The following NELL1 variants were observed in gnomAD, a reference collection of about 807,000 sequenced individuals.
NELL1 encodes neural EGFL like 1, also known as protein kinase C-binding protein NELL1.
NELL1 carries 76 observed loss-of-function variants against 107.4 expected under a neutral mutation model. The observed-to-expected ratio is 0.71, with a 90% CI of 0.59 to 0.86. The LOEUF is 0.86. Among genes scored for constraint, NELL1 ranks in the 40% least tolerant of loss-of-function variants. NELL1 has a pLI of 0.00. For synonymous variants in NELL1, 353 were observed against 341.2 expected (o/e 1.03, Z -0.38); for missense variants, 1,024 against 1,005.5 (o/e 1.02, Z -0.25).
intron 15 of NELL1, among the ~76,000 whole-genome samples, chr11:21,486,665 A>G (rs1208419117): frequency 6.6e-6 from 1 of 152,322 alleles, no homozygotes; most frequent in Admixed American, 6.5e-5. Context: ...AATTCAAAAT[A>G]CTGATTTTAA....
intron 3 of NELL1, among the ~76,000 whole-genome samples, chr11:20,840,288 G>T (rs1848597710): frequency 1.3e-5 from 2 of 151,984 alleles, no homozygotes; most frequent in South Asian, 4.1e-4. Context: ...ATTTTTAAAG[G>T]TATAATAAAA....
chr11:21,564,018 CTGATGAGCCAGGAGATTA>C (rs940666261), intron 17 of NELL1, among the ~76,000 whole-genome samples: 72 of 152,054 alleles, frequency 4.7e-4, no homozygotes, highest in Middle Eastern at 3.4e-3. Flanking sequence ...GGTATAGTCA[CTGATGAGCCAGGAGATTA>C]TGATGAGCCA....
chr11:21,533,873 T>C (rs2133970290), intron 15 of NELL1, among the ~76,000 whole-genome samples: 1 of 152,332 alleles, frequency 6.6e-6, no homozygotes, highest in Non-Finnish European at 1.5e-5. Flanking sequence ...ATTATCAATC[T>C]TATCTCAAAG....
intron 13 of NELL1, among the ~76,000 whole-genome samples, chr11:21,114,052 G>A (rs1855172552): frequency 6.6e-6 from 1 of 151,892 alleles, no homozygotes; most frequent in African/African-American, 2.4e-5. Context: ...ATCATGATGA[G>A]GTGTTTTTGT....
intron 2 of NELL1, among the ~76,000 whole-genome samples, chr11:20,750,788 A>G (rs916123401): frequency 2.6e-5 from 4 of 152,166 alleles, no homozygotes; most frequent in African/African-American, 7.2e-5. Context: ...GGGTTTCACA[A>G]TGTTGCTCAG....
chr11:21,037,368 A>G (rs1415744559), intron 12 of NELL1, among the ~76,000 whole-genome samples: 2 of 152,098 alleles, frequency 1.3e-5, no homozygotes, highest in Admixed American at 6.6e-5. Flanking sequence ...GGAAATGGCT[A>G]TCTCACTCTA....
chr11:21,545,408 A>G (rs1258178204), intron 16 of NELL1, among the ~76,000 whole-genome samples: 2 of 151,948 alleles, frequency 1.3e-5, no homozygotes, highest in African/African-American at 4.8e-5. Flanking sequence ...GTGCTGAGAA[A>G]GGAAGACATG....
At chr11:21,489,982 A>G (rs1167625674) in intron 15 of NELL1, among the ~76,000 whole-genome samples, 1 of 152,110 alleles carries the variant, frequency 6.6e-6, no homozygotes. Context: ...AAAAATATCC[A>G]CATCAGAAGA....
At position 21,169,985 on chromosome 11, in the gene NELL1, C is replaced by T. The variant is rs1028165148; in HGVS notation, c.1426+56271C>T. ...TGTAGGGGACAGGGACAGTGCAATGCGGGCTCCTCAGGCTTTTGAGCACTC... is the reference window on the plus strand; with the variant it reads ...TGTAGGGGACAGGGACAGTGCAATGTGGGCTCCTCAGGCTTTTGAGCACTC... On this transcript the variant is annotated intron_variant, in intron 13 of 19. Coordinates refer to ENST00000357134, the MANE Select transcript of NELL1 (RefSeq NM_006157.5). The T allele has an allele frequency of 2.0e-4, 264 of 1,339,220 alleles. 2 individuals carry two copies. The Admixed American group carries it at 4.3e-3, about 22-fold the overall frequency. The allele number at this position is 1,339,220 out of a possible 1,614,324, so 83.0% of individuals were successfully genotyped here.
At chr11:21,484,050 T>A (rs1854565377) in intron 15 of NELL1, among the ~76,000 whole-genome samples, 1 of 138,658 alleles carries the variant, frequency 7.2e-6, no homozygotes, top group African/African-American at 2.7e-5. Context: ...GTGACCTCAT[T>A]ATATAAAATA....
chr11:21,524,028 C>G (rs1327949272), intron 15 of NELL1, among the ~76,000 whole-genome samples: 6 of 152,010 alleles, frequency 3.9e-5, no homozygotes, highest in Admixed American at 3.9e-4. Flanking sequence ...GTTCACTATT[C>G]AACTCAGTAT....
chr11:21,489,557 A>G (rs1854745162), intron 15 of NELL1, among the ~76,000 whole-genome samples: 1 of 152,054 alleles, frequency 6.6e-6, no homozygotes, highest in South Asian at 2.1e-4. Flanking sequence ...GAATAATACT[A>G]GCAAGCTGAA....
At chr11:20,684,871 A>G (rs1040997351) in intron 2 of NELL1, among the ~76,000 whole-genome samples, 1 of 152,072 alleles carries the variant, frequency 6.6e-6, no homozygotes, top group Non-Finnish European at 1.5e-5. Context: ...CTGATAAGTC[A>G]TGGGATTTTC....
chr11:20,690,765 G>T (rs926117613), intron 2 of NELL1, among the ~76,000 whole-genome samples: 19 of 151,754 alleles, frequency 1.3e-4, no homozygotes, highest in Non-Finnish European at 2.1e-4. Context: ...TGGCGATGTG[G>T]GCTCTTTTTT....
chr11:20,961,558 A>G (rs1416969603), intron 12 of NELL1, among the ~76,000 whole-genome samples: 4 of 152,212 alleles, frequency 2.6e-5, no homozygotes, highest in Non-Finnish European at 5.9e-5. Context: ...GGTATTCTAA[A>G]GGTAAAGACA....
intron 15 of NELL1, among the ~76,000 whole-genome samples, chr11:21,511,442 C>T (rs1202655179): frequency 6.6e-6 from 1 of 152,040 alleles, no homozygotes; most frequent in East Asian, 1.9e-4. Flanking sequence ...GTTATGGAGA[C>T]ATGATGTTGG....
At chr11:20,735,122 G>A (rs1228578961) in intron 2 of NELL1, among the ~76,000 whole-genome samples, 1 of 152,148 alleles carries the variant, frequency 6.6e-6, no homozygotes, top group Non-Finnish European at 1.5e-5. Flanking sequence ...GAACTTCAAA[G>A]AAAAACTCAG....
chr11:20,843,103 C>T (rs902595103), intron 3 of NELL1, among the ~76,000 whole-genome samples: 1 of 151,992 alleles, frequency 6.6e-6, no homozygotes, highest in Admixed American at 6.6e-5. Flanking sequence ...TACCCAGGTA[C>T]TCTCTCTCTA....
intron 15 of NELL1, among the ~76,000 whole-genome samples, chr11:21,482,419 C>T (rs993511989): frequency 5.3e-5 from 8 of 152,168 alleles, no homozygotes; most frequent in Non-Finnish European, 1.2e-4. Flanking sequence ...CATGCCATAC[C>T]TCCACTTATC....
Sources: gnomAD v4.1 joint callset for allele counts (sites outside exome capture counted in the v4.1 genomes callset) on GRCh38, gnomAD v4.1.1 for gene constraint, MANE v1.5 for transcripts, NCBI Gene and HGNC (gene_info 2026-07-23, HGNC 2026-07-21) for gene names.